The following ZNF212 variants were observed in gnomAD, a reference collection of about 807,000 sequenced individuals.
ZNF212 encodes the protein Zinc finger protein C2H2-150.
A neutral mutation model predicts 47.3 loss-of-function variants in ZNF212; 32 were observed. The observed-to-expected ratio is 0.68, with a 90% confidence interval of 0.51 to 0.91. ZNF212 has a LOEUF of 0.91. ZNF212 is among the 40% of genes least tolerant of loss of function. ZNF212 has a pLI of 0.00. For synonymous variants in ZNF212, 242 were observed against 253.8 expected (o/e 0.95, Z 0.44); for missense variants, 555 against 622.8 (o/e 0.89, Z 1.16).
At chr7:149,245,301 A>C (rs1399072292) in intron 1 of ZNF212, among the ~76,000 whole-genome samples, 1 of 150,654 alleles carries the variant, frequency 6.6e-6, no homozygotes, top group East Asian at 1.9e-4. Context: ...GTAAGCTGAG[A>C]TCATGCCACT....
intron 1 of ZNF212, among the ~76,000 whole-genome samples, chr7:149,246,468 C>T (rs1156579378): frequency 2.0e-5 from 3 of 152,096 alleles, no homozygotes; most frequent in South Asian, 2.1e-4. Flanking sequence ...CTGCAGGCTC[C>T]GCCTGCTGGG....
At chr7:149,242,787 T>A (rs919385383) in intron 1 of ZNF212, among the ~76,000 whole-genome samples, 1 of 152,196 alleles carries the variant, frequency 6.6e-6, no homozygotes, top group Non-Finnish European at 1.5e-5. Context: ...GAAGAGATGA[T>A]CAGAACTAAA....
intron 1 of ZNF212, among the ~76,000 whole-genome samples, chr7:149,244,177 C>T (rs778487395): frequency 2.6e-5 from 4 of 152,174 alleles, no homozygotes; most frequent in Non-Finnish European, 2.9e-5. Context: ...TCAAGTGATC[C>T]GGCTGTCTTG....
At chr7:149,250,106 T>G (rs536312780) in intron 1 of ZNF212, 53 bp from the exon 2 acceptor site, 1 of 1,461,814 alleles carries the variant, frequency 6.8e-7, no homozygotes, top group East Asian at 2.3e-5. Flanking sequence ...GAACACTGCT[T>G]TCTTTACTTG....
rs115683636 is a variant in ZNF212 at position 149,245,613 on chromosome 7, T to C, written c.25-4546T>C. ...CTCAATCCCCTGGGCTCAAGTGATC[T>C]TCCCACCTCAGCTTCCTGAGTGGCT... On this transcript the variant is annotated intron_variant, in intron 1 of 4. Coordinates refer to ENST00000335870, the MANE Select transcript of ZNF212 (RefSeq NM_012256.4). Among the ~76,000 whole-genome samples the C allele has an allele frequency of 5.7e-3, 862 of 152,184 alleles. 10 individuals carry two copies. The highest frequency in any genetic ancestry group is 0.019 in the African/African-American group (807 of 41,530).
At chr7:149,251,917 CG>C (rs1305630838) in intron 3 of ZNF212, among the ~76,000 whole-genome samples, 1 of 134,112 alleles carries the variant, frequency 7.5e-6, no homozygotes, top group African/African-American at 2.9e-5. Flanking sequence ...TCAGCCTGGT[CG>C]ACATAGTGAG....
intron 3 of ZNF212, among the ~76,000 whole-genome samples, chr7:149,251,678 G>A (rs1044786359): frequency 9.3e-5 from 14 of 151,344 alleles, no homozygotes; most frequent in African/African-American, 2.4e-4. Context: ...TTGTAGAGAC[G>A]TGGGTCTTAC....
chr7:149,253,934 G>T lies in ZNF212; in HGVS notation c.1007G>T (p.Arg336Leu). 1 of 1,612,306 alleles carries T rather than the reference G, an allele frequency of 6.2e-7. No homozygotes were observed. Among genetic ancestry groups the T allele is most frequent in the Non-Finnish European group, 8.5e-7 (1 of 1,179,742 alleles). The change falls in exon 5 of 5, where the codon CGC (arginine) becomes CTC (leucine). Residue 336 changes from arginine (R) to leucine (L), a missense_variant. Transcript: ENST00000335870. ...RYKQQLATHL[R>L]SHSGWGSCTP... ...AAGCAGCAGCTGGCCACACATCTGC[G>T]CAGCCACTCTGGGTGGGGGTCTTGT... is the stretch of plus-strand genomic sequence containing the variant.
chr7:149,241,734 T>A (rs1247936798), intron 1 of ZNF212, among the ~76,000 whole-genome samples: 1 of 152,192 alleles, frequency 6.6e-6, no homozygotes, highest in Non-Finnish European at 1.5e-5. Context: ...TTTGAGGGCA[T>A]TGGCCAAACA....
chr7:149,244,121 G>C (rs1455042969), intron 1 of ZNF212, among the ~76,000 whole-genome samples: 1 of 151,750 alleles, frequency 6.6e-6, no homozygotes, highest in East Asian at 1.9e-4. Context: ...TTTTAGTAGA[G>C]ACAGGGTTTC....
chr7:149,251,120 CAT>C (rs1037927614), intron 3 of ZNF212: 2 of 278,416 alleles, frequency 7.2e-6, no homozygotes, highest in African/African-American at 4.6e-5. Context: ...AATAAAATGT[CAT>C]ATACCCTATA....
rs1478120042 is a variant in ZNF212, at chr7:149,255,009, CCTACCCT to C, written c.*598_*604del. 1 of 152,270 alleles carries C rather than the reference CCTACCCT, an allele frequency of 6.6e-6. No individual in the cohort carries two copies. Among genetic ancestry groups the C allele is most frequent in the African/African-American group, 2.4e-5 (1 of 41,416 alleles). The allele number at this position is 152,270 out of a possible 1,614,324, so 9.4% of individuals were successfully genotyped here. ...AGTTGTTCCTAACTTGGGGACTGGA[CCTACCCT>C]CTAGGAGGGAGTTGTTAATGGGGCT... On this transcript the variant is annotated 3_prime_UTR_variant, in exon 5 of 5. Transcript: ENST00000335870.
At position 149,240,388 on chromosome 7, in the gene ZNF212, C is replaced by G. The variant is rs185586433; in HGVS notation, c.24+586C>G. 1.6e-3 allele frequency among the ~76,000 whole-genome samples: 236 copies of G among 150,196 alleles called. 3 individuals carry two copies. Among genetic ancestry groups the G allele is most frequent in the African/African-American group, 5.3e-3 (216 of 40,700 alleles). ...TGCCCAAACTCTCTCCTTCACCCCC[C>G]CCCCAACACCCCCCTCCCAGCCCAC... On this transcript the variant is annotated intron_variant, in intron 1 of 4. Transcript: ENST00000335870.
chr7:149,250,556 C>T lies in ZNF212; in HGVS notation c.414+8C>T. 3.1e-6 allele frequency: 5 copies of T among 1,607,706 alleles called. No individual in the cohort carries two copies. Among genetic ancestry groups the T allele is most frequent in the South Asian group, 1.1e-5 (1 of 90,610 alleles). ...AAGGGGGAGGCCCCCAAGGTAGTCT[C>T]ATTGAGGATTAAAAGTTAGAAGAGA... On this transcript the variant is annotated splice_region_variant and intron_variant, in intron 2 of 4. Coordinates refer to ENST00000335870, the MANE Select transcript of ZNF212 (RefSeq NM_012256.4).
rs1419158013 is a variant in ZNF212 at position 149,247,832 on chromosome 7, A to G, written c.25-2327A>G. Among the ~76,000 whole-genome samples the G allele has an allele frequency of 2.0e-5, 3 of 152,216 alleles. 1 individual carries two copies. The highest frequency in any genetic ancestry group is 4.4e-5 in the Non-Finnish European group (3 of 68,042). Reference sequence around the variant, plus strand: ...ATGGCCCATTATGTATTGGTGTAACAGAATACATGAGGCTGGGTAATTCAT... The same window carrying G: ...ATGGCCCATTATGTATTGGTGTAACGGAATACATGAGGCTGGGTAATTCAT... On this transcript the variant is annotated intron_variant, in intron 1 of 4. Coordinates refer to ENST00000335870, the MANE Select transcript of ZNF212 (RefSeq NM_012256.4).
chr7:149,254,171 C>T lies in ZNF212; in HGVS notation c.1244C>T (p.Pro415Leu), dbSNP rs1205999513. 27 of 1,614,142 alleles carry T rather than the reference C, an allele frequency of 1.7e-5. 1 individual carries two copies. The highest frequency in any genetic ancestry group is 1.7e-5 in the Non-Finnish European group (20 of 1,180,052). Residue 415 changes from proline (P) to leucine (L), a missense_variant, in exon 5 of 5, where the codon CCT (proline) becomes CTT (leucine). Physicochemically the swap from Pro to Leu is moderately conservative, Grantham distance 98. Coordinates refer to ENST00000335870, the MANE Select transcript of ZNF212 (RefSeq NM_012256.4). This position sits in a 1 kb window ranked among gnomAD's most constrained non-coding sequence, Gnocchi z 4.5. ...RFSPNSLVALPGHIPWRKSRS... is the reference protein window; with the variant it reads ...RFSPNSLVALLGHIPWRKSRS... ...TCACCCAACAGCCTGGTTGCCCTGC[C>T]TGGCCACATCCCTTGGAGGAAAAGC...
intron 4 of ZNF212, among the ~76,000 whole-genome samples, 184 bp from the exon 5 acceptor site, chr7:149,253,375 A>T (rs1006682932): frequency 6.6e-5 from 10 of 152,246 alleles, no homozygotes; most frequent in African/African-American, 2.4e-4. Context: ...TCAACATTGG[A>T]AAAACTGTAC....
Position 149,253,465 on chromosome 7 carries a change from G to T in ZNF212, c.632-94G>T. The T allele has an allele frequency of 8.9e-6, 13 of 1,457,276 alleles. No homozygotes were observed. In the South Asian group the frequency reaches 1.8e-4, roughly 20 times the overall value. The allele number at this position is 1,457,276 out of a possible 1,614,324, so 90.3% of individuals were successfully genotyped here. Reference sequence around the variant, plus strand: ...GTTATCCTAATTCACTTATTCCTGGGGTGCTTCTGAAATTCACAGATGTTT... The same window carrying T: ...GTTATCCTAATTCACTTATTCCTGGTGTGCTTCTGAAATTCACAGATGTTT... On this transcript the variant is annotated intron_variant, in intron 4 of 4. Coordinates refer to ENST00000335870, the MANE Select transcript of ZNF212 (RefSeq NM_012256.4).
rs1386375963 is a variant in ZNF212, at chr7:149,250,195, T to C, written c.61T>C (p.Ser21Pro). The change falls in exon 2 of 5, where the codon TCC becomes CCC. Residue 21 changes from serine to proline, a missense_variant. Coordinates refer to ENST00000335870, the MANE Select transcript of ZNF212 (RefSeq NM_012256.4). ...RKRRSTPLTS[S>P]TLPSQATEKS... The stretch of plus-strand genomic sequence containing the variant: ...ACGACGCTCCACACCTTTAACTTCT[T>C]CCACACTTCCTTCACAAGCAACAGA... The C allele has an allele frequency of 1.3e-6, 2 of 1,557,004 alleles. No homozygotes were observed. The highest frequency in any genetic ancestry group is 2.7e-5 in the African/African-American group (2 of 72,918).
Sources: gnomAD v4.1 joint callset for allele counts (sites outside exome capture counted in the v4.1 genomes callset) on GRCh38, gnomAD v4.1.1 for gene constraint, Gnocchi (gnomAD v3.1) non-coding constraint, MANE v1.5 for transcripts, NCBI Gene and HGNC (gene_info 2026-07-23, HGNC 2026-07-21) for gene names.